Variants in SLC6A17 observed in about 807,000 individuals in gnomAD.
SLC6A17 encodes the protein solute carrier family 6 member 17.
SLC6A17 carries 21 observed loss-of-function variants against 64.5 expected under a neutral mutation model. That is an observed-to-expected ratio of 0.33 (90% CI 0.23 to 0.47). The LOEUF (loss-of-function observed/expected upper bound fraction) is 0.47. Ranked by LOEUF, SLC6A17 falls within the 20% of genes least tolerant of loss-of-function variation. The pLI is 1.00. For synonymous variants in SLC6A17, 372 were observed against 399.5 expected, an observed-to-expected ratio of 0.93 and a Z score of 0.82; for missense variants, 682 against 963.2, an observed-to-expected ratio of 0.71 and a Z score of 3.86.
At chr1:110,153,376 C>T (rs1225150915) in intron 1 of SLC6A17, among the ~76,000 whole-genome samples, 1 of 152,050 alleles carries the variant, frequency 6.6e-6, no homozygotes, top group East Asian at 1.9e-4. Flanking sequence ...ACCCTGGGCC[C>T]CTAGTTTTCT....
chr1:110,192,558 C>G lies in SLC6A17; in HGVS notation c.1159C>G (p.Leu387Val). 1 of 1,614,188 alleles carries G rather than the reference C, an allele frequency of 6.2e-7. No individual in the cohort carries two copies. The highest frequency in any genetic ancestry group is 8.5e-7 in the Non-Finnish European group (1 of 1,180,014). ...YLNTNVLSRDLIPPHVNFSHL... is the reference protein window; with the variant it reads ...YLNTNVLSRDVIPPHVNFSHL... ...TAACACCAACGTCCTGAGCCGGGAC[C>G]TCATCCCACCCCACGTCAACTTCTC... Residue 387 changes from leucine (L) to valine (V), a missense_variant, in exon 8 of 12, where the codon CTC (leucine) becomes GTC (valine). Leu to Val is a conservative substitution (Grantham distance 32). This residue lies in a region of SLC6A17 where 415 missense variants were observed against 603.8 expected (regional missense o/e 0.69). Transcript: ENST00000331565. This position sits in a 1 kb window ranked among gnomAD's most constrained non-coding sequence, Gnocchi z 4.3.
At chr1:110,166,694 C>T (rs924645867) in intron 1 of SLC6A17, 149 bp from the exon 2 acceptor site, 2 of 433,574 alleles carry the variant, frequency 4.6e-6, no homozygotes, top group Admixed American at 7.5e-5. Context: ...CCGGGCAGCC[C>T]CTGATGGGGA....
At chr1:110,160,296 G>T (rs1417151039) in intron 1 of SLC6A17, among the ~76,000 whole-genome samples, 1 of 152,232 alleles carries the variant, frequency 6.6e-6, no homozygotes, top group Non-Finnish European at 1.5e-5. Context: ...AGTCACTGCT[G>T]TTAGTGTTTT....
chr1:110,176,550 C>T (rs776228445), intron 5 of SLC6A17, 79 bp from the exon 6 acceptor site: 10 of 1,376,626 alleles, frequency 7.3e-6, no homozygotes, highest in South Asian at 1.2e-5. Flanking sequence ...GGCTCATGTG[C>T]CCCAGATGTG....
In SLC6A17 at chr1:110,198,177, G is replaced by A. The variant is rs376152865; in HGVS notation, c.1917G>A (p.Arg639=). 3.7e-6 allele frequency: 6 copies of A among 1,614,100 alleles called. No individual in the cohort carries two copies. The highest frequency in any genetic ancestry group is 5.1e-6 in the Non-Finnish European group (6 of 1,179,986). The change falls in exon 12 of 12, where the codon CGG becomes CGA. Residue 639 remains arginine (R), a synonymous_variant. Transcript: ENST00000331565. ...CCATCCCTGTGGTGTTCGTCCTGCG[G>A]CACTTCCACCTGCTCTCTGATGGCT... The part of the protein sequence containing the change: ...TLPIPVVFVL[R]HFHLLSDGSN...
Position 110,198,472 on chromosome 1 carries a change from C to T in SLC6A17, c.*28C>T. 6.3e-7 allele frequency: 1 copy of T among 1,578,998 alleles called. No homozygotes were observed. Among genetic ancestry groups the T allele is most frequent in the South Asian group, 1.2e-5 (1 of 84,894 alleles). ...ACTGCCCAAGCCCTGCCCGCCTCTC[C>T]CCCCACGCTCAACCTGCCCACTTGT... is the stretch of plus-strand genomic sequence containing the variant. On this transcript the variant is annotated 3_prime_UTR_variant, in exon 12 of 12. Transcript: ENST00000331565.
At chr1:110,155,063 C>T (rs1655720390) in intron 1 of SLC6A17, among the ~76,000 whole-genome samples, 1 of 152,120 alleles carries the variant, frequency 6.6e-6, no homozygotes, top group Non-Finnish European at 1.5e-5. Context: ...AATCGCCATC[C>T]CCAGAACAGG....
At chr1:110,159,177 A>G (rs775783844) in intron 1 of SLC6A17, among the ~76,000 whole-genome samples, 25 of 152,090 alleles carry the variant, frequency 1.6e-4, no homozygotes, top group Non-Finnish European at 1.6e-4. Context: ...CTGTGTTGTC[A>G]TTGTTATTAT....
At chr1:110,155,998 G>T (rs1655748761) in intron 1 of SLC6A17, among the ~76,000 whole-genome samples, 1 of 152,218 alleles carries the variant, frequency 6.6e-6, no homozygotes. Flanking sequence ...ATTCATTGAG[G>T]ACATGGGTCT....
intron 1 of SLC6A17, among the ~76,000 whole-genome samples, chr1:110,156,721 C>T (rs1367885011): frequency 6.6e-6 from 1 of 152,156 alleles, no homozygotes; most frequent in Non-Finnish European, 1.5e-5. Flanking sequence ...CTTTTCTGCC[C>T]AGCCCTCTAC....
At chr1:110,173,403 C>G (rs928754899) in intron 3 of SLC6A17, among the ~76,000 whole-genome samples, 1 of 152,248 alleles carries the variant, frequency 6.6e-6, no homozygotes, top group African/African-American at 2.4e-5. Flanking sequence ...GACCCTCAGG[C>G]AGAGTCCATG....
At chr1:110,161,946 T>G (rs1432934214) in intron 1 of SLC6A17, among the ~76,000 whole-genome samples, 1 of 152,220 alleles carries the variant, frequency 6.6e-6, no homozygotes, top group Non-Finnish European at 1.5e-5. Flanking sequence ...AGTCACACTA[T>G]TTTTTCTCCT....
chr1:110,192,737 C>T lies in SLC6A17; in HGVS notation c.1299+39C>T, dbSNP rs1571002072. The T allele has an allele frequency of 6.3e-7, 1 of 1,585,218 alleles. No individual in the cohort carries two copies. The highest frequency in any genetic ancestry group is 1.3e-5 in the African/African-American group (1 of 74,270). ...CTGCCCTTCCCAGGACAGGCAGGAACCCAGAGAGCAGCTGTGGCCGGCGGG... is the reference window on the plus strand; with the variant it reads ...CTGCCCTTCCCAGGACAGGCAGGAATCCAGAGAGCAGCTGTGGCCGGCGGG... On this transcript the variant is annotated intron_variant, in intron 8 of 11. Coordinates refer to ENST00000331565, the MANE Select transcript of SLC6A17 (RefSeq NM_001010898.4). The surrounding 1 kb of genome is among the most constrained non-coding windows in gnomAD (Gnocchi z 4.3).
Position 110,200,336 on chromosome 1 carries a change from A to G in SLC6A17, c.*1892A>G. On this transcript the variant is annotated 3_prime_UTR_variant, in exon 12 of 12. Coordinates refer to ENST00000331565, the MANE Select transcript of SLC6A17 (RefSeq NM_001010898.4). The stretch of plus-strand genomic sequence containing the variant: ...GAGAGAGACCCACATCTCCCCAAAG[A>G]GATGAGCTTTTGGGGCACAACATCC... 2.7e-6 allele frequency: 1 copy of G among 373,926 alleles called. No homozygotes were observed. Among genetic ancestry groups the G allele is most frequent in the Non-Finnish European group, 4.7e-6 (1 of 210,882 alleles). The allele number at this position is 373,926 out of a possible 1,614,324, so 23.2% of individuals were successfully genotyped here.
At chr1:110,154,837 C>T (rs1451073037) in intron 1 of SLC6A17, among the ~76,000 whole-genome samples, 1 of 152,094 alleles carries the variant, frequency 6.6e-6, no homozygotes, top group Admixed American at 6.5e-5. Flanking sequence ...CTGGTGAGGC[C>T]CCAGACCCCA....
In SLC6A17 at chr1:110,195,759, G is replaced by A. The variant is rs1656947244; in HGVS notation, c.1652+14G>A. Reference sequence around the variant, plus strand: ...TGGAACCAAGAAGTAAGAGGAACATGGGGGAAAGGTGGGATGGGAGGAGGG... The same window carrying A: ...TGGAACCAAGAAGTAAGAGGAACATAGGGGAAAGGTGGGATGGGAGGAGGG... On this transcript the variant is annotated intron_variant, in intron 10 of 11. Transcript: ENST00000331565. 2.5e-6 allele frequency: 4 copies of A among 1,613,896 alleles called. No homozygotes were observed. Among genetic ancestry groups the A allele is most frequent in the Non-Finnish European group, 3.4e-6 (4 of 1,179,892 alleles).
chr1:110,192,647 G>A lies in SLC6A17; in HGVS notation c.1248G>A (p.Gln416=), dbSNP rs1656861534. 1.9e-6 allele frequency: 3 copies of A among 1,614,044 alleles called. No individual in the cohort carries two copies. In the South Asian group the frequency reaches 3.3e-5, roughly 18 times the overall value. Residue 416 remains glutamine (Q), a synonymous_variant, in exon 8 of 12, where the codon CAG becomes CAA. Coordinates refer to ENST00000331565, the MANE Select transcript of SLC6A17 (RefSeq NM_001010898.4). The surrounding 1 kb of genome is among the most constrained non-coding windows in gnomAD (Gnocchi z 4.3). ...YNVIMTVKED[Q]FSALGLDPCL... is the part of the protein sequence containing the mutation. ...TCATCATGACCGTGAAGGAGGACCA[G>A]TTCTCAGCCCTGGGCCTTGACCCCT...
chr1:110,187,903 G>A (rs1656726138), intron 6 of SLC6A17, among the ~76,000 whole-genome samples: 1 of 152,172 alleles, frequency 6.6e-6, no homozygotes, highest in Non-Finnish European at 1.5e-5. Flanking sequence ...CTATTCTCCA[G>A]ATTTCTACTA....
At chr1:110,187,241 C>T (rs781382110) in intron 6 of SLC6A17, among the ~76,000 whole-genome samples, 3 of 152,122 alleles carry the variant, frequency 2.0e-5, no homozygotes, top group African/African-American at 2.4e-5. Flanking sequence ...GAACAATTCG[C>T]GAATCGGGCA....
Sources: allele counts gnomAD v4.1 joint callset (sites outside exome capture counted in the v4.1 genomes callset), GRCh38; gene constraint gnomAD v4.1.1; regional missense constraint gnomAD v4.1.1; non-coding constraint Gnocchi (gnomAD v3.1); transcripts MANE v1.5; gene names NCBI Gene and HGNC (gene_info 2026-07-23, HGNC 2026-07-21).